Variants in SLC44A5 observed in about 807,000 individuals in gnomAD.
The protein encoded by SLC44A5 is solute carrier family 44 member 5.
SLC44A5 carries 57 observed loss-of-function variants against 101.8 expected under a neutral mutation model. That is an observed-to-expected ratio of 0.56 (90% CI 0.45 to 0.70). SLC44A5 has a LOEUF of 0.70. SLC44A5 is among the 30% of genes least tolerant of loss of function. SLC44A5 has a pLI of 0.00. For missense variants in SLC44A5, 737 were observed against 853.1 expected (o/e 0.86, Z 1.70); for synonymous variants, 281 against 290.9 (o/e 0.97, Z 0.35).
At position 75,218,647 on chromosome 1, in the gene SLC44A5, C is replaced by T. The variant is rs201829496; in HGVS notation, c.1372G>A (p.Val458Ile). 6.2e-7 allele frequency: 1 copy of T among 1,613,822 alleles called. No individual in the cohort carries two copies. The highest frequency in any genetic ancestry group is 8.5e-7 in the Non-Finnish European group (1 of 1,179,788). Residue 458 changes from valine to isoleucine, a missense_variant, in exon 17 of 24, where the codon GTA becomes ATA. By Grantham distance (29) the Val-to-Ile change is conservative. Transcript: ENST00000370859. ...LYHQYIPTFHVYNLFVFLWLI... is the reference protein window; with the variant it reads ...LYHQYIPTFHIYNLFVFLWLI... ...CAGAGAAAGACAAATAAGTTGTATA[C>T]ATGGAAGGTAGGGATGTACTGATGG...
At chr1:75,227,688 A>G in intron 13 of SLC44A5, 38 bp downstream of exon 13, 2 of 1,501,944 alleles carry the variant, frequency 1.3e-6, no homozygotes, top group Admixed American at 5.1e-5. Context: ...TTTTCTCATT[A>G]TTACAATTTT....
intron 2 of SLC44A5, among the ~76,000 whole-genome samples, chr1:75,412,488 A>G (rs1034149253): frequency 5.9e-5 from 9 of 152,134 alleles, no homozygotes; most frequent in African/African-American, 1.9e-4. Flanking sequence ...TTATTAAATA[A>G]AATTTGCATT....
chr1:75,609,094 A>G (rs1283075295), intron 1 of SLC44A5, among the ~76,000 whole-genome samples: 1 of 151,690 alleles, frequency 6.6e-6, no homozygotes, highest in Non-Finnish European at 1.5e-5. Flanking sequence ...ATGAATAGAG[A>G]ACTACATGAA....
chr1:75,694,027 T>C, the SLC44A5 span, among the ~76,000 whole-genome samples: 8 of 151,276 alleles, frequency 5.3e-5, no homozygotes, highest in Non-Finnish European at 1.0e-4. Context: ...AATGGGATGA[T>C]AGTTAGGAGA....
At chr1:75,368,381 C>T (rs529836095) in intron 3 of SLC44A5, among the ~76,000 whole-genome samples, 1 of 152,282 alleles carries the variant, frequency 6.6e-6, no homozygotes, top group South Asian at 2.1e-4. Flanking sequence ...AAAGTCTGCC[C>T]TCTATATCTG....
chr1:75,681,252 G>T, the SLC44A5 span, among the ~76,000 whole-genome samples: 3,757 of 152,220 alleles, frequency 0.025, 72 homozygotes, highest in Middle Eastern at 0.041. Flanking sequence ...CCCTAACTCA[G>T]TTTATGAGGC....
At chr1:75,410,334 C>T (rs1018016904) in intron 2 of SLC44A5, among the ~76,000 whole-genome samples, 15 of 151,976 alleles carry the variant, frequency 9.9e-5, no homozygotes, top group Admixed American at 6.6e-4. Context: ...TAATTACCTG[C>T]CATGCCTATT....
intron 3 of SLC44A5, among the ~76,000 whole-genome samples, chr1:75,353,565 G>A (rs1658845611): frequency 6.6e-6 from 1 of 152,162 alleles, no homozygotes; most frequent in African/African-American, 2.4e-5. Context: ...TTATCTTAGA[G>A]CTGTCTTTTT....
the SLC44A5 span, among the ~76,000 whole-genome samples, chr1:75,705,977 C>T: frequency 1.3e-5 from 2 of 152,174 alleles, no homozygotes; most frequent in Non-Finnish European, 2.9e-5. Flanking sequence ...CATGCCCAGC[C>T]TCATCAGCTT....
intron 1 of SLC44A5, among the ~76,000 whole-genome samples, chr1:75,594,912 A>G (rs531716253): frequency 6.6e-6 from 1 of 152,084 alleles, no homozygotes; most frequent in African/African-American, 2.4e-5. Flanking sequence ...ATTTCAGTGT[A>G]TATTTTGCCC....
At chr1:75,276,759 G>A (rs1651956719) in intron 5 of SLC44A5, among the ~76,000 whole-genome samples, 1 of 152,146 alleles carries the variant, frequency 6.6e-6, no homozygotes, top group Admixed American at 6.6e-5. Context: ...TCTGGGAGGT[G>A]ATTCCAGGAA....
At chr1:75,480,216 A>T (rs575102937) in intron 2 of SLC44A5, among the ~76,000 whole-genome samples, 64 of 152,356 alleles carry the variant, frequency 4.2e-4, no homozygotes, top group Middle Eastern at 3.4e-3. Context: ...TTCATGCTAA[A>T]AACTCTCAGT....
At chr1:75,397,604 T>C (rs895361210) in intron 2 of SLC44A5, among the ~76,000 whole-genome samples, 2 of 152,180 alleles carry the variant, frequency 1.3e-5, no homozygotes, top group African/African-American at 4.8e-5. Flanking sequence ...CCATGTTTCA[T>C]TTATGTTATC....
chr1:75,543,871 C>T (rs1357864448), intron 1 of SLC44A5, among the ~76,000 whole-genome samples: 1 of 151,972 alleles, frequency 6.6e-6, no homozygotes, highest in Non-Finnish European at 1.5e-5. Context: ...ATGGGATCCA[C>T]ACTTCATTTT....
chr1:75,679,551 C>CA, the SLC44A5 span, among the ~76,000 whole-genome samples: 1 of 151,744 alleles, frequency 6.6e-6, no homozygotes, highest in Non-Finnish European at 1.5e-5. Flanking sequence ...ACTTTACAGA[C>CA]AAGCAAATGC....
At chr1:75,676,748 A>G in the SLC44A5 span, among the ~76,000 whole-genome samples, 5,344 of 152,250 alleles carry the variant, frequency 0.035, 321 homozygotes, top group African/African-American at 0.12. Flanking sequence ...AGAGAAAGAT[A>G]TCAATATCCA....
intron 3 of SLC44A5, among the ~76,000 whole-genome samples, chr1:75,375,310 A>G (rs957831349): frequency 3.9e-5 from 6 of 152,234 alleles, no homozygotes; most frequent in African/African-American, 1.4e-4. Context: ...AAAACAAATA[A>G]AAAAGAATAA....
At chr1:75,702,108 A>T in the SLC44A5 span, among the ~76,000 whole-genome samples, 1 of 152,180 alleles carries the variant, frequency 6.6e-6, no homozygotes, top group South Asian at 2.1e-4. Flanking sequence ...ATTCAATGCC[A>T]TCCCCAACAA....
intron 1 of SLC44A5, among the ~76,000 whole-genome samples, chr1:75,572,859 A>C (rs1284069995): frequency 6.6e-6 from 1 of 152,076 alleles, no homozygotes; most frequent in African/African-American, 2.4e-5. Flanking sequence ...GCAGTGGCTC[A>C]CCCATGTAAT....
Sources: gnomAD v4.1 joint callset for allele counts (sites outside exome capture counted in the v4.1 genomes callset) on GRCh38, gnomAD v4.1.1 for gene constraint, MANE v1.5 for transcripts, NCBI Gene and HGNC (gene_info 2026-07-23, HGNC 2026-07-21) for gene names.